Variants in EDEM1 observed in about 807,000 individuals in gnomAD.
EDEM1 encodes ER degradation-enhancing alpha-mannosidase-like protein 1.
A neutral mutation model predicts 74.4 loss-of-function variants in EDEM1; 67 were observed. That is an observed-to-expected ratio of 0.90 (90% CI 0.74 to 1.10). The LOEUF (loss-of-function observed/expected upper bound fraction) is 1.10. Among genes scored for constraint, EDEM1 ranks in the 50% least tolerant of loss-of-function variants. EDEM1 has a pLI of 0.00. For synonymous variants in EDEM1, 382 were observed against 335.9 expected (o/e 1.14, Z -1.50); for missense variants, 926 against 851.6 (o/e 1.09, Z -1.09).
Position 5,218,120 on chromosome 3 carries a change from C to A in EDEM1, c.*2202C>A, listed in dbSNP as rs745847046. The A allele has an allele frequency of 2.6e-5, 4 of 152,252 alleles. No homozygotes were observed. Among genetic ancestry groups the A allele is most frequent in the Non-Finnish European group, 5.9e-5 (4 of 68,084 alleles). The allele number at this position is 152,252 out of a possible 1,614,324, so 9.4% of individuals were successfully genotyped here. A position where few individuals can be genotyped will look rare whatever the true frequency, so the allele number is the denominator to read the frequency against. ...AAACTACACAATGCTGCAGGTGCTT[C>A]CCAGGGGCCACAGGCTGTCAGGAAA... On this transcript the variant is annotated 3_prime_UTR_variant, in exon 12 of 12. Transcript: ENST00000256497.
Position 5,210,265 on chromosome 3 carries a change from C to A in EDEM1, c.1583+17C>A. 2 of 1,609,166 alleles carry A rather than the reference C, an allele frequency of 1.2e-6. No individual in the cohort carries two copies. Among genetic ancestry groups the A allele is most frequent in the Non-Finnish European group, 1.7e-6 (2 of 1,175,830 alleles). ...AAAAGTCAAGTCAGTTTTCTAAGTTCCTACCTTTTTCTGTCAGCCACTTTT... is the reference window on the plus strand; with the variant it reads ...AAAAGTCAAGTCAGTTTTCTAAGTTACTACCTTTTTCTGTCAGCCACTTTT... On this transcript the variant is annotated intron_variant, in intron 9 of 11. Transcript: ENST00000256497.
chr3:5,213,045 C>G (rs189841623), intron 10 of EDEM1, among the ~76,000 whole-genome samples: 1 of 152,162 alleles, frequency 6.6e-6, no homozygotes, highest in Non-Finnish European at 1.5e-5. Context: ...GTGCTTGGGC[C>G]TTAGTTTCAG....
In EDEM1 at chr3:5,188,313, C is replaced by G. The variant is rs1450718455; in HGVS notation, c.508C>G (p.Pro170Ala). The change falls in exon 1 of 12, where the codon CCT becomes GCT. Residue 170 changes from proline (P) to alanine (A), a missense_variant and splice_region_variant. Pro to Ala is a conservative substitution (Grantham distance 27). Coordinates refer to ENST00000256497, the MANE Select transcript of EDEM1 (RefSeq NM_014674.3). ...CRGRGPDRGD[P>A]SNLNINDVLG... ...CGGCCGTGGGCCCGACCGCGGGGAC[C>G]CGTGAGTAGCCCCCGCCGCCCGGGG... 1.0e-5 allele frequency: 15 copies of G among 1,490,620 alleles called. No homozygotes were observed. The highest frequency in any genetic ancestry group is 1.2e-5 in the Non-Finnish European group (13 of 1,116,950). The allele number at this position is 1,490,620 out of a possible 1,614,324, so 92.3% of individuals were successfully genotyped here. A position where few individuals can be genotyped will look rare whatever the true frequency, so the allele number is the denominator to read the frequency against.
chr3:5,210,320 T>C (rs2055152932), intron 9 of EDEM1, 72 bp downstream of exon 9: 4 of 1,396,496 alleles, frequency 2.9e-6, no homozygotes, highest in Middle Eastern at 1.8e-4. Context: ...TGGGGAAATA[T>C]CCTAGTTTGC....
rs142348494 is a variant in EDEM1, at chr3:5,203,148, A to G, written c.1041A>G (p.Leu347=). Residue 347 remains leucine, a splice_region_variant and synonymous_variant, in exon 5 of 12, where the codon CTA becomes CTG. Coordinates refer to ENST00000256497, the MANE Select transcript of EDEM1 (RefSeq NM_014674.3). The stretch of plus-strand genomic sequence containing the variant: ...TCCGGAGCAATGATACAGGATTACT[A>G]GGTGTGGCACCTTTCCTCGCCATTG... ...WNLRSNDTGL[L]GNVVNIQTGH... 14 of 1,569,974 alleles carry G rather than the reference A, an allele frequency of 8.9e-6. No homozygotes were observed. The African/African-American group carries it at 1.6e-4, about 18-fold the overall frequency.
rs367928935 is a variant in EDEM1, at chr3:5,188,265, G to A, written c.460G>A (p.Glu154Lys). 1.9e-6 allele frequency: 3 copies of A among 1,574,998 alleles called. No homozygotes were observed. The highest frequency in any genetic ancestry group is 1.4e-5 in the African/African-American group (1 of 71,130). The part of the protein sequence containing the change: ...NYMAHAFPQD[E>K]LNPIHCRGRG... ...CATGGCTCACGCCTTCCCCCAGGAC[G>A]AGCTCAACCCCATCCACTGCCGCGG... is the stretch of plus-strand genomic sequence containing the variant. The change falls in exon 1 of 12, where the codon GAG becomes AAG. Residue 154 changes from glutamate (E) to lysine (K), a missense_variant. Glu to Lys is a moderately conservative substitution (Grantham distance 56). Coordinates refer to ENST00000256497, the MANE Select transcript of EDEM1 (RefSeq NM_014674.3).
At chr3:5,188,699 A>G (rs779605537) in intron 1 of EDEM1, among the ~76,000 whole-genome samples, 5 of 152,132 alleles carry the variant, frequency 3.3e-5, no homozygotes, top group Non-Finnish European at 5.9e-5. Context: ...TGAAATCTCC[A>G]TCATGCCCCC....
intron 2 of EDEM1, among the ~76,000 whole-genome samples, chr3:5,197,750 C>A (rs2054986930): frequency 6.6e-6 from 1 of 152,192 alleles, no homozygotes; most frequent in Non-Finnish European, 1.5e-5. Flanking sequence ...ATAGCAGTCC[C>A]CTGACCATTG....
In EDEM1 at chr3:5,218,013, C is replaced by G. The variant is rs972223646; in HGVS notation, c.*2095C>G. 1 of 152,356 alleles carries G rather than the reference C, an allele frequency of 6.6e-6. No individual in the cohort carries two copies. Among genetic ancestry groups the G allele is most frequent in the Middle Eastern group, 3.4e-3 (1 of 294 alleles). 9.4% of individuals were successfully genotyped at this position (152,356 alleles called of 1,614,324 possible). ...GCACTCCAGTGTTCTCTTAATGAGG[C>G]ACTTTGCCTGTCACTCGAGCAAGCC... On this transcript the variant is annotated 3_prime_UTR_variant, in exon 12 of 12. Transcript: ENST00000256497.
chr3:5,213,388 G>C lies in EDEM1; in HGVS notation c.1750G>C (p.Val584Leu). The C allele has an allele frequency of 1.2e-6, 2 of 1,614,096 alleles. No homozygotes were observed. The highest frequency in any genetic ancestry group is 1.7e-6 in the Non-Finnish European group (2 of 1,180,000). Reference protein sequence around the residue: ...RYMFTTEGHIVSVDEHLRELP... With the variant: ...RYMFTTEGHILSVDEHLRELP... ...CATGTTCACAACAGAGGGACACATT[G>C]TATCTGTGGATGAGCATCTTCGGGA... is the stretch of plus-strand genomic sequence containing the variant. Residue 584 changes from valine to leucine, a missense_variant, in exon 11 of 12, where the codon GTA becomes CTA. Transcript: ENST00000256497.
intron 5 of EDEM1, among the ~76,000 whole-genome samples, 175 bp from the exon 6 acceptor site, chr3:5,204,892 G>C (rs2055076260): frequency 6.6e-6 from 1 of 152,110 alleles, no homozygotes; most frequent in South Asian, 2.1e-4. Flanking sequence ...AGATGTCTAG[G>C]CTAAGTTAGT....
chr3:5,199,753 A>G, intron 3 of EDEM1, 58 bp downstream of exon 3: 1 of 1,462,322 alleles, frequency 6.8e-7, no homozygotes, highest in Admixed American at 2.0e-5. Context: ...TGTTTAAAGA[A>G]AAAAATACCT....
intron 10 of EDEM1, among the ~76,000 whole-genome samples, chr3:5,213,030 T>C (rs890220893): frequency 5.3e-5 from 8 of 152,194 alleles, no homozygotes; most frequent in African/African-American, 1.9e-4. Context: ...TTTTATAGAC[T>C]ACCTGTGCTT....
intron 6 of EDEM1, among the ~76,000 whole-genome samples, chr3:5,205,884 C>T (rs955171746): frequency 1.3e-5 from 2 of 151,592 alleles, no homozygotes; most frequent in African/African-American, 4.8e-5. Context: ...GCGTGTGGCT[C>T]GCACGGATGG....
In EDEM1 at chr3:5,207,266, G is replaced by A. The variant is rs778093992; in HGVS notation, c.1331G>A (p.Gly444Glu). 4.3e-6 allele frequency: 7 copies of A among 1,613,924 alleles called. No individual in the cohort carries two copies. Among genetic ancestry groups the A allele is most frequent in the South Asian group, 1.1e-5 (1 of 91,048 alleles). ...WIDSLQAFFP[G>E]LQVLIGDVED... Reference sequence around the variant, plus strand: ...GACTCTCTGCAGGCCTTTTTCCCTGGACTGCAGGTATTTTGCCATCAGATT... The same window carrying A: ...GACTCTCTGCAGGCCTTTTTCCCTGAACTGCAGGTATTTTGCCATCAGATT... The change falls in exon 7 of 12, where the codon GGA becomes GAA. Residue 444 changes from glycine to glutamate, a missense_variant. Gly to Glu is a moderately conservative substitution (Grantham distance 98). Transcript: ENST00000256497.
chr3:5,209,456 C>T (rs1013193689), intron 8 of EDEM1, among the ~76,000 whole-genome samples: 2 of 152,198 alleles, frequency 1.3e-5, no homozygotes, highest in Non-Finnish European at 2.9e-5. Context: ...ACAGAGATGT[C>T]TTGCACTCTT....
chr3:5,211,485 A>G, intron 10 of EDEM1: 1 of 395,384 alleles, frequency 2.5e-6, no homozygotes, highest in South Asian at 2.3e-5. Flanking sequence ...ATACAGAACC[A>G]GTGTTAGTTC....
Position 5,187,798 on chromosome 3 carries a change from G to A in EDEM1, c.-8G>A, listed in dbSNP as rs1428322250. The A allele has an allele frequency of 6.5e-7, 1 of 1,549,376 alleles. No individual in the cohort carries two copies. The highest frequency in any genetic ancestry group is 8.7e-7 in the Non-Finnish European group (1 of 1,146,876). ...CTTTAAAATAATGCCCGCGGCGCCC[G>A]CGCGACCATGCAATGGCGAGCGCTC... On this transcript the variant is annotated 5_prime_UTR_variant, in exon 1 of 12. Coordinates refer to ENST00000256497, the MANE Select transcript of EDEM1 (RefSeq NM_014674.3).
At chr3:5,191,219 A>G (rs1289141545) in intron 1 of EDEM1, among the ~76,000 whole-genome samples, 2 of 151,946 alleles carry the variant, frequency 1.3e-5, no homozygotes, top group East Asian at 1.9e-4. Context: ...AAAATTTTTC[A>G]TATTTTTTGT....
Sources: gnomAD v4.1 joint callset for allele counts (sites outside exome capture counted in the v4.1 genomes callset) on GRCh38, gnomAD v4.1.1 for gene constraint, MANE v1.5 for transcripts, NCBI Gene and HGNC (gene_info 2026-07-23, HGNC 2026-07-21) for gene names.